ZNF804B: variants seen among roughly 807,000 people sequenced by gnomAD.
ZNF804B encodes the protein zinc finger 804B.
In ZNF804B, 80 loss-of-function variants were observed where a neutral mutation model predicts 101.4. That is an observed-to-expected ratio of 0.79 (90% CI 0.66 to 0.95). ZNF804B has a LOEUF of 0.95. Among genes scored for constraint, ZNF804B ranks in the 40% least tolerant of loss-of-function variants. ZNF804B has a pLI of 0.00. For synonymous variants in ZNF804B, 622 were observed against 558.8 expected (o/e 1.11, Z -1.59); for missense variants, 1,673 against 1,561.9 (o/e 1.07, Z -1.20).
At chr7:89,248,669 C>T (rs963207101) in intron 2 of ZNF804B, among the ~76,000 whole-genome samples, 1 of 151,968 alleles carries the variant, frequency 6.6e-6, no homozygotes, top group African/African-American at 2.4e-5. Flanking sequence ...AGTACAATAC[C>T]TGCTACCACA....
chr7:88,940,768 A>AAATAATAAT (rs71120045), intron 1 of ZNF804B, among the ~76,000 whole-genome samples: 30,283 of 139,218 alleles, frequency 0.22, 3,485 homozygotes, highest in South Asian at 0.32. Flanking sequence ...ACCCTATTTA[A>AAATAATAAT]AATAATAATA....
intron 1 of ZNF804B, among the ~76,000 whole-genome samples, chr7:88,901,950 C>G (rs1037545329): frequency 2.6e-5 from 4 of 151,770 alleles, no homozygotes; most frequent in African/African-American, 9.7e-5. Context: ...TATTACAATT[C>G]TAGAGGAAGC....
At chr7:89,048,447 G>A (rs1163406259) in intron 1 of ZNF804B, among the ~76,000 whole-genome samples, 1 of 151,874 alleles carries the variant, frequency 6.6e-6, no homozygotes, top group Non-Finnish European at 1.5e-5. Flanking sequence ...GTCCTGACAG[G>A]CAACTCAGCT....
At chr7:88,965,784 TA>T (rs1793444882) in intron 1 of ZNF804B, among the ~76,000 whole-genome samples, 1 of 151,578 alleles carries the variant, frequency 6.6e-6, no homozygotes, top group Admixed American at 6.6e-5. Context: ...TGCTATCTAA[TA>T]GCATATCATT....
At chr7:88,881,210 A>T (rs1562821606) in intron 1 of ZNF804B, among the ~76,000 whole-genome samples, 1 of 152,160 alleles carries the variant, frequency 6.6e-6, no homozygotes, top group Non-Finnish European at 1.5e-5. Context: ...AAGAATATTT[A>T]TAAAGCTAAT....
intron 1 of ZNF804B, among the ~76,000 whole-genome samples, chr7:88,981,484 A>G (rs1793694494): frequency 6.6e-6 from 1 of 151,566 alleles, no homozygotes; most frequent in African/African-American, 2.4e-5. Context: ...GTAACACAGC[A>G]CTCCCTTGAC....
rs3915195 is a variant in ZNF804B at position 88,829,510 on chromosome 7, G to A, written c.108+69426G>A. 3.6e-3 allele frequency among the ~76,000 whole-genome samples: 552 copies of A among 151,980 alleles called. 7 individuals carry two copies. Among genetic ancestry groups the A allele is most frequent in the African/African-American group, 0.013 (526 of 41,494 alleles). On this transcript the variant is annotated intron_variant, in intron 1 of 3. Transcript: ENST00000333190. ...TATTAAAGGGAAACTGAGAAAAATC[G>A]TTTTAGCCAGAATTTGACATTAAAC... is the stretch of plus-strand genomic sequence containing the variant.
intron 1 of ZNF804B, among the ~76,000 whole-genome samples, chr7:89,031,199 A>G (rs56231963): frequency 0.46 from 68,287 of 149,598 alleles, 16,217 homozygotes; most frequent in Middle Eastern, 0.53. Flanking sequence ...ATATATATAT[A>G]TGTGTGTGTG....
At chr7:88,854,533 T>TTCCTTTCCTTTCCTTCCCTTC (rs796987599) in intron 1 of ZNF804B, among the ~76,000 whole-genome samples, 6 of 78,176 alleles carry the variant, frequency 7.7e-5, no homozygotes, top group African/African-American at 2.3e-4. Context: ...TTCCTTTCCT[T>TTCCTTTCCTTTCCTTCCCTTC]CCTTCCTTCC....
intron 1 of ZNF804B, among the ~76,000 whole-genome samples, chr7:88,882,778 T>C (rs1792063509): frequency 6.6e-6 from 1 of 152,112 alleles, no homozygotes; most frequent in Non-Finnish European, 1.5e-5. Flanking sequence ...TGAATTTTCT[T>C]GCTTACAAGT....
At chr7:88,851,670 T>C (rs1306704543) in intron 1 of ZNF804B, among the ~76,000 whole-genome samples, 2 of 152,078 alleles carry the variant, frequency 1.3e-5, no homozygotes, top group African/African-American at 4.8e-5. Context: ...CATGGAAATA[T>C]GGTTCTACAG....
chr7:89,251,667 C>A (rs1789542986), intron 2 of ZNF804B, among the ~76,000 whole-genome samples: 1 of 151,936 alleles, frequency 6.6e-6, no homozygotes, highest in Non-Finnish European at 1.5e-5. Context: ...CTACAGTAAC[C>A]AAAACGGTAT....
chr7:88,879,277 A>G (rs759723908), intron 1 of ZNF804B, among the ~76,000 whole-genome samples: 10 of 152,178 alleles, frequency 6.6e-5, no homozygotes, highest in Non-Finnish European at 1.5e-4. Flanking sequence ...CATCCTCAAC[A>G]AGGATGATAT....
chr7:88,854,527 T>TCTCC (rs1791519211), intron 1 of ZNF804B, among the ~76,000 whole-genome samples: 1 of 40,076 alleles, frequency 2.5e-5, no homozygotes, highest in South Asian at 1.1e-3. Flanking sequence ...CTTTCCTTCC[T>TCTCC]TTCCTTCCTT....
chr7:89,209,413 A>C (rs969603064), intron 1 of ZNF804B, among the ~76,000 whole-genome samples: 2 of 152,222 alleles, frequency 1.3e-5, no homozygotes, highest in Non-Finnish European at 2.9e-5. Flanking sequence ...AAGTCTGGCT[A>C]ATGGATAGTT....
chr7:88,997,815 C>G (rs529914275), intron 1 of ZNF804B, among the ~76,000 whole-genome samples: 1 of 152,062 alleles, frequency 6.6e-6, no homozygotes, highest in South Asian at 2.1e-4. Context: ...AAAATTTGGC[C>G]CATCTTTCGG....
chr7:88,952,196 G>C (rs1455042165), intron 1 of ZNF804B, among the ~76,000 whole-genome samples: 1 of 151,722 alleles, frequency 6.6e-6, no homozygotes, highest in Admixed American at 6.6e-5. Flanking sequence ...ATATCAGTAT[G>C]ATTTGACTGG....
At chr7:89,093,535 T>C (rs2116328571) in intron 1 of ZNF804B, among the ~76,000 whole-genome samples, 1 of 152,378 alleles carries the variant, frequency 6.6e-6, no homozygotes, top group Admixed American at 6.5e-5. Context: ...TAAAGTTTCA[T>C]GAATTGACCA....
chr7:89,104,357 C>G (rs1790103376), intron 1 of ZNF804B, among the ~76,000 whole-genome samples: 1 of 152,068 alleles, frequency 6.6e-6, no homozygotes, highest in African/African-American at 2.4e-5. Flanking sequence ...GTGAATCTAT[C>G]TGGTCCTGGG....
Sources: allele counts gnomAD v4.1 joint callset (sites outside exome capture counted in the v4.1 genomes callset), GRCh38; gene constraint gnomAD v4.1.1; transcripts MANE v1.5; gene names NCBI Gene and HGNC (gene_info 2026-07-23, HGNC 2026-07-21).